DLGAP1: variants seen among roughly 807,000 people sequenced by gnomAD.
The protein encoded by DLGAP1 is disks large-associated protein 1.
In DLGAP1, 11 loss-of-function variants were observed where a neutral mutation model predicts 90.8. The ratio of observed to expected loss-of-function variants is 0.12; its 90% CI spans 0.08 to 0.20. DLGAP1 has a LOEUF of 0.20. DLGAP1 is among the 10% of genes least tolerant of loss of function. The pLI, the probability that DLGAP1 is intolerant of heterozygous loss-of-function variation, is 1.00. For synonymous variants in DLGAP1, 558 were observed against 540.7 expected, an observed-to-expected ratio of 1.03 and a Z score of -0.44; for missense variants, 1,050 against 1,333.8, an observed-to-expected ratio of 0.79 and a Z score of 3.31.
chr18:4,280,875 A>T (rs1048641342), intron 1 of DLGAP1: 4 of 152,182 alleles, frequency 2.6e-5, no homozygotes, highest in African/African-American at 9.7e-5. Context: ...TTCTGAGATA[A>T]TTTTTATGCT....
intron 5 of DLGAP1, among the ~76,000 whole-genome samples, chr18:3,791,465 G>C (rs2065729234): frequency 6.6e-6 from 1 of 152,136 alleles, no homozygotes; most frequent in Non-Finnish European, 1.5e-5. Flanking sequence ...TCAAAGCTTA[G>C]TCTGCACTGT....
rs547412145 is a variant in DLGAP1 at position 4,259,239 on chromosome 18, G to A, written c.-266-107952C>T. Among the ~76,000 whole-genome samples the A allele has an allele frequency of 7.2e-5, 11 of 152,310 alleles. No homozygotes were observed. The South Asian group carries it at 2.3e-3, about 32-fold the overall frequency. Reference sequence around the variant, plus strand: ...GGAGGTGAAAATGGAGGGAAGAGAAGAAAGGGAATCTGAGAAAGCCCCGGT... The same window carrying A: ...GGAGGTGAAAATGGAGGGAAGAGAAAAAAGGGAATCTGAGAAAGCCCCGGT... On this transcript the variant is annotated intron_variant, in intron 1 of 12. Coordinates refer to ENST00000315677, the MANE Select transcript of DLGAP1 (RefSeq NM_004746.4).
chr18:3,828,006 G>T (rs1007586488), intron 4 of DLGAP1, among the ~76,000 whole-genome samples: 12 of 152,192 alleles, frequency 7.9e-5, no homozygotes, highest in Admixed American at 2.6e-4. Context: ...AGACCCTAAA[G>T]TAATACTTCT....
At chr18:4,306,462 T>TGTGTGAGA (rs1253812084) in intron 1 of DLGAP1, among the ~76,000 whole-genome samples, 4 of 52,102 alleles carry the variant, frequency 7.7e-5, no homozygotes, top group African/African-American at 2.1e-4. Context: ...TGTGTGTGTG[T>TGTGTGAGA]GAGAGAGAGA....
At chr18:3,633,293 C>T (rs1439512042) in intron 7 of DLGAP1, among the ~76,000 whole-genome samples, 1 of 151,808 alleles carries the variant, frequency 6.6e-6, no homozygotes, top group Non-Finnish European at 1.5e-5. Flanking sequence ...GTCCCAGCTA[C>T]TCTGGAGGCT....
chr18:3,882,140 G>T (rs2071188290), intron 3 of DLGAP1, among the ~76,000 whole-genome samples: 1 of 141,186 alleles, frequency 7.1e-6, no homozygotes, highest in South Asian at 2.5e-4. Flanking sequence ...GTCAATTGAG[G>T]GTCAAGAGCT....
intron 1 of DLGAP1, among the ~76,000 whole-genome samples, chr18:4,285,033 ATTTT>A (rs11299687): frequency 1.3e-5 from 2 of 151,738 alleles, no homozygotes; most frequent in African/African-American, 4.8e-5. Context: ...TTGTAAAACT[ATTTT>A]TTTTTACAAA....
chr18:4,175,663 A>C (rs1346354368), intron 1 of DLGAP1, among the ~76,000 whole-genome samples: 1 of 152,104 alleles, frequency 6.6e-6, no homozygotes, highest in Non-Finnish European at 1.5e-5. Flanking sequence ...AGCACCATTT[A>C]TTGAATAGGA....
intron 5 of DLGAP1, 45 bp downstream of exon 5, chr18:3,814,014 T>C: frequency 1.9e-6 from 3 of 1,592,296 alleles, no homozygotes; most frequent in Non-Finnish European, 2.6e-6. Context: ...TCGGTGATAA[T>C]ACAAGCACCT....
chr18:3,901,915 C>T (rs1270086194), intron 3 of DLGAP1, among the ~76,000 whole-genome samples: 3 of 152,086 alleles, frequency 2.0e-5, no homozygotes, highest in East Asian at 1.9e-4. Flanking sequence ...CTAAGGTGTC[C>T]GTGGTACTCT....
chr18:4,396,737 G>A (rs757418426), intron 1 of DLGAP1, among the ~76,000 whole-genome samples: 2 of 152,160 alleles, frequency 1.3e-5, no homozygotes, highest in South Asian at 2.1e-4. Context: ...TTTTTACCAC[G>A]TGAGCCAGAA....
At chr18:3,700,670 T>C (rs954390344) in intron 7 of DLGAP1, among the ~76,000 whole-genome samples, 23 of 152,120 alleles carry the variant, frequency 1.5e-4, no homozygotes, top group East Asian at 7.7e-4. Flanking sequence ...AGTGCAGTGG[T>C]GTGATCTCAG....
chr18:4,403,302 A>G (rs1340550451), intron 1 of DLGAP1, among the ~76,000 whole-genome samples: 1 of 152,198 alleles, frequency 6.6e-6, no homozygotes, highest in Non-Finnish European at 1.5e-5. Context: ...ATCAACTAAA[A>G]TATACCTGGA....
chr18:3,622,497 ATG>A (rs747498863), intron 7 of DLGAP1, among the ~76,000 whole-genome samples: 5 of 152,140 alleles, frequency 3.3e-5, no homozygotes, highest in Non-Finnish European at 7.4e-5. Context: ...CCCCTGGGGA[ATG>A]TGGGAGGAGG....
chr18:3,882,926 T>G lies in DLGAP1; in HGVS notation c.-72-2786A>C, dbSNP rs73374561. 6.2e-3 allele frequency among the ~76,000 whole-genome samples: 947 copies of G among 152,292 alleles called. 9 individuals are homozygous for G. The highest frequency in any genetic ancestry group is 0.011 in the Non-Finnish European group (728 of 68,024). On this transcript the variant is annotated intron_variant, in intron 3 of 12. Coordinates refer to ENST00000315677, the MANE Select transcript of DLGAP1 (RefSeq NM_004746.4). ...GTCATTTCAGATATTCCTAGAGAGATAGATATGTGGTTTAATTAAGAAACA... is the reference window on the plus strand; with the variant it reads ...GTCATTTCAGATATTCCTAGAGAGAGAGATATGTGGTTTAATTAAGAAACA...
rs554574695 is a variant in DLGAP1, at chr18:3,580,539, C to T, written c.1965+1336G>A. The T allele has an allele frequency of 3.8e-6, 6 of 1,596,842 alleles. No individual in the cohort carries two copies. In the South Asian group the frequency reaches 6.6e-5, roughly 18 times the overall value. ...GAGGAGGCGGCGGCAGCGGAGATGG[C>T]AGTGGAGGTGGCAGAGCCAGAGGAG... On this transcript the variant is annotated intron_variant, in intron 8 of 12. Transcript: ENST00000315677.
rs184105471 is a variant in DLGAP1 at position 3,638,404 on chromosome 18, T to A, written c.1592-56156A>T. 4.3e-4 allele frequency among the ~76,000 whole-genome samples: 66 copies of A among 152,206 alleles called. No homozygotes were observed. The East Asian group carries it at 0.012, about 27-fold the overall frequency. ...CTAGGACTATGGACTTGTACCGCCA[T>A]GCCTGGCTAGTTTTTAAAAGTTGTT... On this transcript the variant is annotated intron_variant, in intron 7 of 12. Coordinates refer to ENST00000315677, the MANE Select transcript of DLGAP1 (RefSeq NM_004746.4).
intron 7 of DLGAP1, among the ~76,000 whole-genome samples, chr18:3,622,541 C>G (rs1199738904): frequency 6.6e-6 from 1 of 152,146 alleles, no homozygotes; most frequent in African/African-American, 2.4e-5. Flanking sequence ...CAAGTGGCCA[C>G]AAGTCTGGCC....
At chr18:3,577,785 TG>T (rs2055243881) in intron 8 of DLGAP1, among the ~76,000 whole-genome samples, 1 of 152,184 alleles carries the variant, frequency 6.6e-6, no homozygotes. Flanking sequence ...CTCCAAATAT[TG>T]GCAAATGGCA....
Sources: allele counts gnomAD v4.1 joint callset (sites outside exome capture counted in the v4.1 genomes callset), GRCh38; gene constraint gnomAD v4.1.1; transcripts MANE v1.5; gene names NCBI Gene and HGNC (gene_info 2026-07-23, HGNC 2026-07-21).